Variants in FNIP2 observed in about 807,000 individuals in gnomAD.
FNIP2 encodes folliculin interacting protein 2.
Under a neutral mutation model 108.7 loss-of-function variants are expected in FNIP2, and 32 were observed. The ratio of observed to expected loss-of-function variants is 0.29; its 90% CI spans 0.22 to 0.40. The LOEUF (loss-of-function observed/expected upper bound fraction) is 0.40, where lower values mean the gene tolerates loss of function less well. Among genes scored for constraint, FNIP2 ranks in the 10% least tolerant of loss-of-function variants. The pLI is 1.00. For missense variants in FNIP2, 1,202 were observed against 1,381.6 expected (o/e 0.87, Z 2.06); for synonymous variants, 480 against 496.7 (o/e 0.97, Z 0.45).
At chr4:158,882,817 T>A (rs1441038824) in intron 14 of FNIP2, among the ~76,000 whole-genome samples, 2 of 152,106 alleles carry the variant, frequency 1.3e-5, no homozygotes, top group Non-Finnish European at 2.9e-5. Flanking sequence ...TTAAGAGTCA[T>A]CACCACTCCC....
chr4:158,887,986 C>T (rs927674953), intron 14 of FNIP2, among the ~76,000 whole-genome samples: 1 of 152,172 alleles, frequency 6.6e-6, no homozygotes, highest in Non-Finnish European at 1.5e-5. Context: ...TTAGCTTCAA[C>T]TCTCTGACCC....
intron 3 of FNIP2, 99 bp downstream of exon 3, chr4:158,829,324 G>A: frequency 9.5e-6 from 10 of 1,050,604 alleles, no homozygotes; most frequent in South Asian, 1.9e-5. Flanking sequence ...TCTACTCCAG[G>A]AATATGAGGA....
chr4:158,857,698 T>G (rs995854856), intron 8 of FNIP2, among the ~76,000 whole-genome samples: 5 of 151,908 alleles, frequency 3.3e-5, no homozygotes, highest in African/African-American at 1.2e-4. Context: ...ATCCCAGCAC[T>G]TTGGGACACT....
intron 7 of FNIP2, among the ~76,000 whole-genome samples, chr4:158,849,990 A>G (rs1172987548): frequency 6.6e-6 from 1 of 152,188 alleles, no homozygotes; most frequent in East Asian, 1.9e-4. Flanking sequence ...TTGAGTCATC[A>G]TGTTCATTGA....
chr4:158,864,684 C>T (rs1780482444), intron 12 of FNIP2, among the ~76,000 whole-genome samples: 1 of 152,108 alleles, frequency 6.6e-6, no homozygotes, highest in Non-Finnish European at 1.5e-5. Context: ...TCTTTCCTCT[C>T]CTCTTTCTAG....
At chr4:158,859,018 T>G in intron 8 of FNIP2, 39 bp from the exon 9 acceptor site, 1 of 1,586,294 alleles carries the variant, frequency 6.3e-7, no homozygotes, top group South Asian at 1.1e-5. Context: ...TGTGACTCAC[T>G]GATGCATGGC....
intron 1 of FNIP2, among the ~76,000 whole-genome samples, chr4:158,818,071 C>A (rs1777674126): frequency 6.6e-6 from 1 of 152,218 alleles, no homozygotes; most frequent in Non-Finnish European, 1.5e-5. Context: ...TGATGTGATC[C>A]TGAACTCAGA....
intron 12 of FNIP2, among the ~76,000 whole-genome samples, chr4:158,864,527 CT>C (rs1399430285): frequency 2.6e-5 from 4 of 152,246 alleles, no homozygotes; most frequent in African/African-American, 9.6e-5. Context: ...ACTAAACTCT[CT>C]TCTCGTCTCC....
intron 7 of FNIP2, among the ~76,000 whole-genome samples, chr4:158,840,219 C>A (rs1779045834): frequency 1.3e-5 from 2 of 152,128 alleles, no homozygotes; most frequent in African/African-American, 4.8e-5. Context: ...ACAGGGAAAG[C>A]AGGAGGCCAG....
chr4:158,794,257 A>G (rs751432108), intron 1 of FNIP2, among the ~76,000 whole-genome samples: 5 of 152,004 alleles, frequency 3.3e-5, no homozygotes, highest in Non-Finnish European at 7.4e-5. Flanking sequence ...GGCTCAAGCA[A>G]TCCTCCGGCC....
Position 158,904,806 on chromosome 4 carries a change from G to A in FNIP2, c.*262G>A. ...ATCAACAAAGAAACTGACCTTTTTG[G>A]TAGGAGGAAACATAAGCACTAAACA... On this transcript the variant is annotated 3_prime_UTR_variant, in exon 17 of 17. Coordinates refer to ENST00000264433, the MANE Select transcript of FNIP2 (RefSeq NM_020840.3). 2.3e-6 allele frequency: 1 copy of A among 429,638 alleles called. No homozygotes were observed. The highest frequency in any genetic ancestry group is 2.8e-5 in the South Asian group (1 of 36,330). 26.6% of individuals were successfully genotyped at this position (429,638 alleles called of 1,614,324 possible). A position where few individuals can be genotyped will look rare whatever the true frequency, so the allele number is the denominator to read the frequency against.
At chr4:158,858,579 A>G (rs1210726563) in intron 8 of FNIP2, among the ~76,000 whole-genome samples, 2 of 152,202 alleles carry the variant, frequency 1.3e-5, no homozygotes, top group Non-Finnish European at 2.9e-5. Flanking sequence ...CTGAGCATTT[A>G]GAAGAGTTAC....
At chr4:158,797,525 C>G (rs992571317) in intron 1 of FNIP2, among the ~76,000 whole-genome samples, 3 of 152,104 alleles carry the variant, frequency 2.0e-5, no homozygotes, top group Non-Finnish European at 4.4e-5. Context: ...CATGGTGAGA[C>G]CCCATGTCTA....
chr4:158,864,044 T>C (rs1428861829), intron 12 of FNIP2, among the ~76,000 whole-genome samples: 4 of 152,176 alleles, frequency 2.6e-5, no homozygotes, highest in Non-Finnish European at 5.9e-5. Flanking sequence ...GTTGTTGTTG[T>C]TGTTTTTGAG....
At chr4:158,847,357 G>A (rs1408768465) in intron 7 of FNIP2, among the ~76,000 whole-genome samples, 1 of 152,154 alleles carries the variant, frequency 6.6e-6, no homozygotes, top group Non-Finnish European at 1.5e-5. Context: ...TCTTCCACTT[G>A]GAGAGGAGAG....
At chr4:158,825,813 CT>C (rs1778123186) in intron 1 of FNIP2, 102 bp from the exon 2 acceptor site, 1 of 1,409,624 alleles carries the variant, frequency 7.1e-7, no homozygotes, top group Admixed American at 1.8e-5. Flanking sequence ...TGCTTGTGGC[CT>C]TTTGATGTGC....
intron 1 of FNIP2, among the ~76,000 whole-genome samples, chr4:158,793,056 T>G (rs1484297919): frequency 6.6e-6 from 1 of 152,092 alleles, no homozygotes; most frequent in Non-Finnish European, 1.5e-5. Flanking sequence ...AAAGTCTTGC[T>G]GGAAAATGGG....
rs772323139 is a variant in FNIP2, at chr4:158,869,201, C to T, written c.2565C>T (p.Pro855=). Residue 855 remains proline (P), a synonymous_variant, in exon 13 of 17, where the codon CCC becomes CCT. Transcript: ENST00000264433. ...GACCTGTGCTGGAGCCTGTTGCCCC[C>T]AGGTGTGTCCAGCGGGGCCCTGGCC... ...AEGPVLEPVA[P]RCVQRGPGLV... The T allele has an allele frequency of 6.2e-6, 10 of 1,613,950 alleles. No homozygotes were observed. Among genetic ancestry groups the T allele is most frequent in the Non-Finnish European group, 8.5e-6 (10 of 1,179,916 alleles).
chr4:158,829,219 G>A lies in FNIP2; in HGVS notation c.375G>A (p.Lys125=), dbSNP rs751092893. ...SSHHAKEQLP[K]YQYTRPASDV... ...ATCATGCTAAGGAACAGCTTCCAAA[G>A]TACCAGGTACAACCATCCCTTCTGT... Residue 125 remains lysine, a synonymous_variant, in exon 3 of 17, where the codon AAG becomes AAA. Transcript: ENST00000264433. 1.9e-6 allele frequency: 3 copies of A among 1,609,462 alleles called. No individual in the cohort carries two copies. The highest frequency in any genetic ancestry group is 1.1e-5 in the South Asian group (1 of 90,116).
Sources: gnomAD v4.1 joint callset for allele counts (sites outside exome capture counted in the v4.1 genomes callset) on GRCh38, gnomAD v4.1.1 for gene constraint, MANE v1.5 for transcripts, NCBI Gene and HGNC (gene_info 2026-07-23, HGNC 2026-07-21) for gene names.